The following ARHGAP32 variants were observed in gnomAD, a reference collection of about 807,000 sequenced individuals.
ARHGAP32 encodes the protein Rho GTPase activating protein 32.
Under a neutral mutation model 186.5 loss-of-function variants are expected in ARHGAP32, and 51 were observed. The ratio of observed to expected loss-of-function variants is 0.27; its 90% CI spans 0.22 to 0.35. The LOEUF is 0.35. ARHGAP32 is among the 10% of genes least tolerant of loss of function. The pLI, the probability that ARHGAP32 is intolerant of heterozygous loss-of-function variation, is 1.00. For synonymous variants in ARHGAP32, 950 were observed against 964.3 expected (o/e 0.99, Z 0.27); for missense variants, 2,186 against 2,623.5 (o/e 0.83, Z 3.64).
upstream of ARHGAP32, among the ~76,000 whole-genome samples, chr11:129,193,689 T>TATAA (rs1555111367): frequency 4.1e-5 from 1 of 24,420 alleles, no homozygotes; most frequent in African/African-American, 1.6e-4. Flanking sequence ...ATAATATATA[T>TATAA]TATATAATAT....
At chr11:129,235,664 G>A (rs986845256) in intron 1 of ARHGAP32, among the ~76,000 whole-genome samples, 1 of 152,106 alleles carries the variant, frequency 6.6e-6, no homozygotes, top group Admixed American at 6.6e-5. Flanking sequence ...CCCAAGCAAT[G>A]TGCACTGTAC....
chr11:129,118,303 CATT>C (rs1942428912), intron 5 of ARHGAP32, among the ~76,000 whole-genome samples: 1 of 151,684 alleles, frequency 6.6e-6, no homozygotes, highest in African/African-American at 2.4e-5. Context: ...AGGCAATACG[CATT>C]ATTCTCAACT....
intron 2 of ARHGAP32, among the ~76,000 whole-genome samples, chr11:129,162,048 A>T (rs1251550523): frequency 6.6e-6 from 1 of 152,220 alleles, no homozygotes; most frequent in Non-Finnish European, 1.5e-5. Flanking sequence ...ACACAGGAAC[A>T]GAAAACCAAA....
In ARHGAP32 at chr11:129,123,533, G is replaced by A. The variant is rs1256984632; in HGVS notation, c.360-3C>T. The A allele has an allele frequency of 6.2e-7, 1 of 1,607,914 alleles. No individual in the cohort carries two copies. Among genetic ancestry groups the A allele is most frequent in the East Asian group, 2.2e-5 (1 of 44,832 alleles). On this transcript the variant is annotated splice_region_variant and splice_polypyrimidine_tract_variant and intron_variant, in intron 4 of 22. Transcript: ENST00000682385. This position sits in a 1 kb window ranked among gnomAD's most constrained non-coding sequence, Gnocchi z 4.6. ...AGTGACCTTTAGTGAAGGGTAACCT[G>A]AAACACATGAAATAAATAAGAAACG... is the stretch of plus-strand genomic sequence containing the variant.
At chr11:129,245,656 AAATAATAATAATAATAATAATAATAAT>A (rs56047154) in intron 1 of ARHGAP32, among the ~76,000 whole-genome samples, 6 of 146,238 alleles carry the variant, frequency 4.1e-5, no homozygotes, top group African/African-American at 1.2e-4. Context: ...CAACAGATTA[AAATAATAATAATAATAATAATAATAAT>A]AATAATAATA....
chr11:129,009,846 G>T (rs1353080628), intron 11 of ARHGAP32, among the ~76,000 whole-genome samples: 1 of 152,104 alleles, frequency 6.6e-6, no homozygotes, highest in Non-Finnish European at 1.5e-5. Flanking sequence ...GTTTGGGATT[G>T]CTGGGTCAAA....
chr11:129,001,068 G>A lies in ARHGAP32; in HGVS notation c.1046-2600C>T, dbSNP rs1051279111. 2.0e-5 allele frequency among the ~76,000 whole-genome samples: 3 copies of A among 152,114 alleles called. No individual in the cohort carries two copies. The East Asian group carries it at 5.8e-4, about 29-fold the overall frequency. On this transcript the variant is annotated intron_variant, in intron 11 of 22. Coordinates refer to ENST00000682385, the MANE Select transcript of ARHGAP32 (RefSeq NM_001378024.1). The stretch of plus-strand genomic sequence containing the variant: ...AGGCTGCTTACAAATCTTGGCTATT[G>A]TGAGCAGGGATACAACAAACATGGG...
intron 1 of ARHGAP32, among the ~76,000 whole-genome samples, chr11:129,257,007 C>T (rs1375390751): frequency 1.3e-5 from 2 of 152,048 alleles, no homozygotes; most frequent in Non-Finnish European, 1.5e-5. Flanking sequence ...CCAAAAGCTT[C>T]GTCTAGAAAT....
rs758529008 is a variant in ARHGAP32 at position 128,972,785 on chromosome 11, G to A, written c.3721C>T (p.Pro1241Ser). 9.3e-6 allele frequency: 15 copies of A among 1,613,774 alleles called. No individual in the cohort carries two copies. In the South Asian group the frequency reaches 1.2e-4, roughly 13 times the overall value. ...LGASVDKLHH[P>S]LEFADKSPTP... ...GGAGATTTGTCTGCAAATTCTAAAG[G>A]GTGATGGAGTTTATCCACACTTGCA... The change falls in exon 22 of 23, where the codon CCT (proline) becomes TCT (serine). Residue 1241 changes from proline (P) to serine (S), a missense_variant. Pro to Ser is a moderately conservative substitution (Grantham distance 74, BLOSUM62 -1). This residue lies in a region of ARHGAP32 where 1,502 missense variants were observed against 1,570.0 expected (regional missense o/e 0.96). Coordinates refer to ENST00000682385, the MANE Select transcript of ARHGAP32 (RefSeq NM_001378024.1).
Position 129,192,270 on chromosome 11 carries a change from A to C in ARHGAP32, c.-72T>G. On this transcript the variant is annotated 5_prime_UTR_variant, in exon 1 of 23. Transcript: ENST00000682385. ...AAAAGCACCAACATTCAGGTTGTTC[A>C]GCTCTACTCATGTATACTCAGATGT... The C allele has an allele frequency of 1.9e-6, 2 of 1,043,430 alleles. No individual in the cohort carries two copies. Among genetic ancestry groups the C allele is most frequent in the South Asian group, 2.6e-5 (2 of 77,170 alleles). The allele number at this position is 1,043,430 out of a possible 1,614,324, so 64.6% of individuals were successfully genotyped here. A position where few individuals can be genotyped will look rare whatever the true frequency, so the allele number is the denominator to read the frequency against.
At chr11:128,993,276 G>C (rs1240370698) in intron 12 of ARHGAP32, 1 of 152,080 alleles carries the variant, frequency 6.6e-6, no homozygotes, top group Admixed American at 6.5e-5. Flanking sequence ...TGTCATTTTT[G>C]TGCAGGGGTC....
chr11:129,214,646 T>C (rs191118503), intron 1 of ARHGAP32, among the ~76,000 whole-genome samples: 131 of 152,296 alleles, frequency 8.6e-4, no homozygotes, highest in Middle Eastern at 3.4e-3. Context: ...AGAGACAATA[T>C]TGCCACAACA....
chr11:129,260,058 TACAA>T (rs1021786190), intron 1 of ARHGAP32, among the ~76,000 whole-genome samples: 3 of 152,166 alleles, frequency 2.0e-5, no homozygotes, highest in African/African-American at 7.2e-5. Context: ...CCATGGTAGT[TACAA>T]ACAAACTTTT....
intron 1 of ARHGAP32, among the ~76,000 whole-genome samples, chr11:129,212,422 G>A (rs1194829486): frequency 6.6e-6 from 1 of 152,084 alleles, no homozygotes; most frequent in African/African-American, 2.4e-5. Flanking sequence ...TTTTATTTCA[G>A]CTCTGTCAAT....
chr11:129,273,394 T>C (rs932390898), intron 1 of ARHGAP32, among the ~76,000 whole-genome samples: 4 of 152,138 alleles, frequency 2.6e-5, no homozygotes, highest in African/African-American at 9.7e-5. Flanking sequence ...GGCCACTGAA[T>C]ATAAAACAAG....
chr11:129,258,196 T>C (rs1226468150), intron 1 of ARHGAP32, among the ~76,000 whole-genome samples: 2 of 152,168 alleles, frequency 1.3e-5, no homozygotes, highest in African/African-American at 2.4e-5. Flanking sequence ...TAAACAACTA[T>C]CATATTAAAA....
intron 2 of ARHGAP32, among the ~76,000 whole-genome samples, chr11:129,135,120 A>G (rs978472530): frequency 3.0e-4 from 46 of 152,338 alleles, no homozygotes; most frequent in African/African-American, 9.6e-4. Context: ...CAATAATGTC[A>G]AGGCATCAAT....
In ARHGAP32 at chr11:129,142,794, G is replaced by C. The variant is rs1337930724; in HGVS notation, c.226-17900C>G. 9.9e-5 allele frequency among the ~76,000 whole-genome samples: 15 copies of C among 151,414 alleles called. No individual in the cohort carries two copies. The East Asian group carries it at 2.9e-3, about 29-fold the overall frequency. On this transcript the variant is annotated intron_variant, in intron 2 of 22. Transcript: ENST00000682385. ...GATCAAAGTGTTCTTTCTGTATAAG[G>C]CTAACAAAAAGCATCTGAAAATAAT...
intron 11 of ARHGAP32, among the ~76,000 whole-genome samples, chr11:129,002,704 T>G (rs572685324): frequency 3.3e-5 from 5 of 152,104 alleles, no homozygotes; most frequent in Non-Finnish European, 7.4e-5. Flanking sequence ...CTCCATTCAG[T>G]AAGATGCTAG....
Sources: gnomAD v4.1 joint callset for allele counts (sites outside exome capture counted in the v4.1 genomes callset) on GRCh38, gnomAD v4.1.1 for gene constraint, gnomAD v4.1.1 regional missense constraint, Gnocchi (gnomAD v3.1) non-coding constraint, MANE v1.5 for transcripts, NCBI Gene and HGNC (gene_info 2026-07-23, HGNC 2026-07-21) for gene names.